Variants in SAGE1 observed in about 807,000 individuals in gnomAD.
SAGE1 encodes the protein sarcoma antigen 1.
In SAGE1, 55 loss-of-function variants were observed where a neutral mutation model predicts 55.4. The ratio of observed to expected loss-of-function variants is 0.99; its 90% CI spans 0.80 to 1.24. The LOEUF (loss-of-function observed/expected upper bound fraction) is 1.24, where lower values mean the gene tolerates loss of function less well. Ranked by LOEUF, SAGE1 falls within the 50% of genes most tolerant of loss-of-function variation. The pLI is 0.00. For synonymous variants in SAGE1, 240 were observed against 244.3 expected (o/e 0.98, Z 0.17); for missense variants, 710 against 704.4 (o/e 1.01, Z -0.09).
chrX:135,908,406 G>A, intron 11 of SAGE1, 71 bp from the exon 12 acceptor site: 1 of 1,107,167 alleles, frequency 9.0e-7, no homozygotes. Flanking sequence ...CTGAGCATCA[G>A]AGGGATATAT....
At chrX:135,900,928 G>T (rs1335646832) in intron 2 of SAGE1, among the ~76,000 whole-genome samples, 1 of 110,123 alleles carries the variant, frequency 9.1e-6, no homozygotes, top group Non-Finnish European at 1.9e-5. Flanking sequence ...GGGAGGATCA[G>T]GAGGTCAGGA....
chrX:135,902,912 C>T (rs781988056), intron 3 of SAGE1, among the ~76,000 whole-genome samples: 9 of 111,840 alleles, frequency 8.0e-5, no homozygotes, highest in Non-Finnish European at 7.5e-5. Flanking sequence ...TTCTAATCTT[C>T]GCTCATCTAT....
chrX:135,907,018 A>C lies in SAGE1; in HGVS notation c.829A>C (p.Ile277Leu), dbSNP rs782636979. Residue 277 changes from isoleucine to leucine, a missense_variant, in exon 8 of 20, where the codon ATT (isoleucine) becomes CTT (leucine). Physicochemically the swap from Ile to Leu is conservative, Grantham distance 5. Coordinates refer to ENST00000370709, the MANE Select transcript of SAGE1 (RefSeq NM_001381902.1). Reference sequence around the variant, plus strand: ...CTTGTCAACTGCTTCAACAGGGCTTATTAATGTGGCAGGAGCTGGTACTCC... The same window carrying C: ...CTTGTCAACTGCTTCAACAGGGCTTCTTAATGTGGCAGGAGCTGGTACTCC... ...NILSTASTGL[I>L]NVAGAGTPAI... 5.0e-6 allele frequency: 6 copies of C among 1,210,828 alleles called. No homozygotes were observed. The highest frequency in any genetic ancestry group is 6.7e-6 in the Non-Finnish European group (6 of 894,655).
chrX:135,909,778 G>T lies in SAGE1; in HGVS notation c.1722G>T (p.Gln574His). ...TTCCGGCCATGAGTACCAGGGATCA[G>T]TGTATGTTTGCTTATTCAGTTGTAC... Reference protein sequence around the residue: ...AGIPAMSTRDQYATVTHNVHE... With the variant: ...AGIPAMSTRDHYATVTHNVHE... The change falls in exon 14 of 20, where the codon CAG becomes CAT. Residue 574 changes from glutamine (Q) to histidine (H), a missense_variant and splice_region_variant. By Grantham distance (24) the Gln-to-His change is conservative (BLOSUM62 0). Coordinates refer to ENST00000370709, the MANE Select transcript of SAGE1 (RefSeq NM_001381902.1). 1 of 1,194,426 alleles carries T rather than the reference G, an allele frequency of 8.4e-7. No homozygotes were observed. The highest frequency in any genetic ancestry group is 1.1e-6 in the Non-Finnish European group (1 of 886,500).
chrX:135,894,654 TCTA>T (rs1556592275), intron 1 of SAGE1, among the ~76,000 whole-genome samples: 2 of 109,620 alleles, frequency 1.8e-5, no homozygotes, highest in Middle Eastern at 4.8e-3. Flanking sequence ...TTGATTTTCT[TCTA>T]CTCTAATTTT....
intron 13 of SAGE1, 39 bp from the exon 14 acceptor site, chrX:135,909,600 C>T: frequency 8.7e-7 from 1 of 1,144,785 alleles, no homozygotes; most frequent in Non-Finnish European, 1.2e-6. Context: ...TGACATAATG[C>T]ACTTACGTCA....
chrX:135,894,616 T>A (rs1223040272), intron 1 of SAGE1, among the ~76,000 whole-genome samples: 1 of 110,037 alleles, frequency 9.1e-6, no homozygotes, highest in Non-Finnish European at 1.9e-5. Context: ...AACTTTTGAT[T>A]TCATTGATTT....
rs1556606590 is a variant in SAGE1 at position 135,911,642 on chromosome X, G to T, written c.2210G>T (p.Gly737Val). 36 of 1,208,705 alleles carry T rather than the reference G, an allele frequency of 3.0e-5. No individual in the cohort carries two copies. Among genetic ancestry groups the T allele is most frequent in the Non-Finnish European group, 3.9e-5 (35 of 894,112 alleles). The change falls in exon 18 of 20, where the codon GGC becomes GTC. Residue 737 changes from glycine to valine, a missense_variant. By Grantham distance (109) the Gly-to-Val change is moderately radical (BLOSUM62 -3). Coordinates refer to ENST00000370709, the MANE Select transcript of SAGE1 (RefSeq NM_001381902.1). ...EMENDQTPPD[G>V]FLSNSDSPEL... ...GAAAATGATCAAACCCCTCCTGATG[G>T]CTTCCTGTCAAATTCTGATTCACCA... is the stretch of plus-strand genomic sequence containing the variant.
At chrX:135,911,983 A>G in intron 18 of SAGE1, 30 bp downstream of exon 18, 1 of 1,197,193 alleles carries the variant, frequency 8.4e-7, no homozygotes, top group Non-Finnish European at 1.1e-6. Flanking sequence ...CTATCAATGA[A>G]AGCATGAGAA....
At chrX:135,902,735 T>A (rs1225523578) in intron 3 of SAGE1, among the ~76,000 whole-genome samples, 108 of 112,069 alleles carry the variant, frequency 9.6e-4, no homozygotes, top group African/African-American at 3.0e-3. Context: ...AAGTCACTTA[T>A]GAGTTATCTC....
At chrX:135,904,610 ATT>A (rs373579002) in intron 4 of SAGE1, 41 bp downstream of exon 4, 209,915 of 892,213 alleles carry the variant, frequency 0.24, 19,205 homozygotes, top group Non-Finnish European at 0.25. Context: ...TGAGTATGAA[ATT>A]CATCCATGAG....
Position 135,912,006 on chromosome X carries a change from A to T in SAGE1, c.2521+53A>T, listed in dbSNP as rs782266083. On this transcript the variant is annotated intron_variant, in intron 18 of 19. Transcript: ENST00000370709. The stretch of plus-strand genomic sequence containing the variant: ...GAAAGCATGAGAAGTGTCTCATTCT[A>T]TGATTTAGAACAGAATTGAGCTGCC... 3.4e-6 allele frequency: 4 copies of T among 1,183,859 alleles called. No individual in the cohort carries two copies. In the Admixed American group the frequency reaches 9.2e-5, roughly 27 times the overall value.
chrX:135,911,141 G>T (rs781964480), intron 16 of SAGE1, 51 bp from the exon 17 acceptor site: 1 of 1,176,715 alleles, frequency 8.5e-7, no homozygotes, highest in Non-Finnish European at 1.2e-6. Flanking sequence ...TCCCTGTGGG[G>T]TTGTCATTAT....
rs1279603945 is a variant in SAGE1 at position 135,909,646 on chromosome X, C to T, written c.1590C>T (p.Thr530=). 1 of 1,198,893 alleles carries T rather than the reference C, an allele frequency of 8.3e-7. No individual in the cohort carries two copies. The highest frequency in any genetic ancestry group is 1.1e-6 in the Non-Finnish European group (1 of 889,423). ...TCTTTATTTGGTTTCCAGATGCTAC[C>T]GTCACTCAAAATGTCCATGAAGAGA... is the stretch of plus-strand genomic sequence containing the variant. ...PSMSTKDLYA[T]VTQNVHEERM... The change falls in exon 14 of 20, where the codon ACC becomes ACT. Residue 530 remains threonine (T), a synonymous_variant. Transcript: ENST00000370709.
rs1485259507 is a variant in SAGE1, at chrX:135,904,545, T to C, written c.289T>C (p.Leu97=). The part of the protein sequence containing the change: ...NNGQPVADNV[L]STAPPWPDAT... ...CGGCCAACCAGTAGCTGATAATGTCTTGTCAACTGCTCCACCATGGCCTGG... is the reference window on the plus strand; with the variant it reads ...CGGCCAACCAGTAGCTGATAATGTCCTGTCAACTGCTCCACCATGGCCTGG... The change falls in exon 4 of 20, where the codon TTG becomes CTG. Residue 97 remains leucine, a synonymous_variant. Transcript: ENST00000370709. 8.4e-6 allele frequency: 10 copies of C among 1,194,571 alleles called. No homozygotes were observed. The highest frequency in any genetic ancestry group is 1.1e-5 in the Non-Finnish European group (10 of 882,425).
chrX:135,912,528 C>T (rs1402971759), intron 19 of SAGE1, 114 bp downstream of exon 19: 2 of 1,166,005 alleles, frequency 1.7e-6, no homozygotes, highest in Non-Finnish European at 2.3e-6. Context: ...AATCATAGTT[C>T]ATGCTATTTC....
intron 3 of SAGE1, 128 bp from the exon 4 acceptor site, chrX:135,904,349 G>T (rs1297319322): frequency 2.1e-6 from 1 of 486,626 alleles, no homozygotes; most frequent in African/African-American, 2.4e-5. Flanking sequence ...AGGGTTCTCA[G>T]ATTGCTACCT....
In SAGE1 at chrX:135,906,522, G is replaced by A. The variant is rs369004182; in HGVS notation, c.707G>A (p.Gly236Asp). Residue 236 changes from glycine to aspartate, a missense_variant, in exon 7 of 20, where the codon GGT (glycine) becomes GAT (aspartate). Transcript: ENST00000370709. Reference protein sequence around the residue: ...RPRRINMTDTGISPMSTRDPY... With the variant: ...RPRRINMTDTDISPMSTRDPY... ...CGGCGTATTAATATGACAGACACTGGTATTTCACCCATGAGTACCAGGGAT... is the reference window on the plus strand; with the variant it reads ...CGGCGTATTAATATGACAGACACTGATATTTCACCCATGAGTACCAGGGAT... The A allele has an allele frequency of 9.4e-5, 113 of 1,207,807 alleles. No individual in the cohort carries two copies. The highest frequency in any genetic ancestry group is 2.8e-5 in the Non-Finnish European group (25 of 893,520).
Position 135,904,582 on chromosome X carries a change from C to T in SAGE1, c.313+13C>T, listed in dbSNP as rs1259662648. 6.5e-6 allele frequency: 7 copies of T among 1,077,993 alleles called. No individual in the cohort carries two copies. Among genetic ancestry groups the T allele is most frequent in the Middle Eastern group, 2.5e-4 (1 of 4,076 alleles). 88.8% of individuals were successfully genotyped at this position (1,077,993 alleles called of 1,213,427 possible). A position where few individuals can be genotyped will look rare whatever the true frequency, so the allele number is the denominator to read the frequency against. On this transcript the variant is annotated intron_variant, in intron 4 of 19. Transcript: ENST00000370709. ...CCACCATGGCCTGGTAATATGGCAG[C>T]AGCAGGAATTTCATCCATGAGTATG...
Sources: allele counts gnomAD v4.1 joint callset (sites outside exome capture counted in the v4.1 genomes callset), GRCh38; gene constraint gnomAD v4.1.1; transcripts MANE v1.5; gene names NCBI Gene and HGNC (gene_info 2026-07-23, HGNC 2026-07-21).